SLC24A2: variants seen among roughly 807,000 people sequenced by gnomAD.
The protein encoded by SLC24A2 is sodium/potassium/calcium exchanger 2.
Under a neutral mutation model 62.0 loss-of-function variants are expected in SLC24A2, and 36 were observed. That is an observed-to-expected ratio of 0.58 (90% CI 0.44 to 0.77). The LOEUF is 0.77. Ranked by LOEUF, SLC24A2 falls within the 30% of genes least tolerant of loss-of-function variation. The probability of loss-of-function intolerance (pLI) is 0.00; values close to 1 mark genes in which losing one functional copy is unlikely to be tolerated. For synonymous variants in SLC24A2, 358 were observed against 294.0 expected, an observed-to-expected ratio of 1.22 and a Z score of -2.23; for missense variants, 846 against 817.9, an observed-to-expected ratio of 1.03 and a Z score of -0.42.
the SLC24A2 span, among the ~76,000 whole-genome samples, chr9:19,889,166 T>C: frequency 0.4 from 60,352 of 151,964 alleles, 12,567 homozygotes; most frequent in East Asian, 0.82. Context: ...CACAAAGTTC[T>C]CCTGGGAACA....
At chr9:20,305,071 C>T in the SLC24A2 span, among the ~76,000 whole-genome samples, 2 of 151,228 alleles carry the variant, frequency 1.3e-5, no homozygotes, top group African/African-American at 2.4e-5. Flanking sequence ...TAAAGACATG[C>T]ATGTTAAAGA....
the SLC24A2 span, among the ~76,000 whole-genome samples, chr9:20,166,839 G>A: frequency 6.6e-6 from 1 of 151,926 alleles, no homozygotes; most frequent in Non-Finnish European, 1.5e-5. Flanking sequence ...AATACCAAAT[G>A]CAAACAGAAA....
intron 2 of SLC24A2, among the ~76,000 whole-genome samples, chr9:19,698,655 G>A (rs1820263578): frequency 2.0e-5 from 3 of 152,058 alleles, no homozygotes; most frequent in African/African-American, 7.2e-5. Flanking sequence ...TGCACTCTGG[G>A]GATATAAAGA....
At chr9:19,780,975 A>C (rs1387188756) in intron 2 of SLC24A2, among the ~76,000 whole-genome samples, 1 of 152,070 alleles carries the variant, frequency 6.6e-6, no homozygotes, top group Admixed American at 6.6e-5. Flanking sequence ...AATTCTAAAA[A>C]GAAACAGAAA....
At chr9:20,007,786 G>A in the SLC24A2 span, among the ~76,000 whole-genome samples, 1 of 147,338 alleles carries the variant, frequency 6.8e-6, no homozygotes. Flanking sequence ...TAAATCTCCT[G>A]TCCTCTTCTG....
chr9:19,702,434 T>C (rs1460758112), intron 2 of SLC24A2, among the ~76,000 whole-genome samples: 1 of 152,226 alleles, frequency 6.6e-6, no homozygotes, highest in African/African-American at 2.4e-5. Context: ...ATGATCTCGA[T>C]ACACTTTGGG....
In SLC24A2 at chr9:19,520,967, C is replaced by A; in HGVS notation, c.1663G>T (p.Val555Leu). The change falls in exon 10 of 11, where the codon GTG (valine) becomes TTG (leucine). Residue 555 changes from valine (V) to leucine (L), a missense_variant. Physicochemically the swap from Val to Leu is conservative, Grantham distance 32. Transcript: ENST00000341998. ...SIPDLITSVI[V>L]ARKGLGDMAV... Reference sequence around the variant, plus strand: ...ATGTCCCCTAACCCCTTCCGGGCCACTATGACACTGGTGATAAGATCAGGG... The same window carrying A: ...ATGTCCCCTAACCCCTTCCGGGCCAATATGACACTGGTGATAAGATCAGGG... 3 of 1,614,114 alleles carry A rather than the reference C, an allele frequency of 1.9e-6. No individual in the cohort carries two copies. Among genetic ancestry groups the A allele is most frequent in the Non-Finnish European group, 2.5e-6 (3 of 1,180,008 alleles).
intron 2 of SLC24A2, among the ~76,000 whole-genome samples, chr9:19,715,040 C>T (rs1564058879): frequency 6.6e-6 from 1 of 152,054 alleles, no homozygotes; most frequent in Non-Finnish European, 1.5e-5. Context: ...TTCCCCCTAA[C>T]TCCATCCTTA....
chr9:19,559,574 T>A (rs1242633684), intron 7 of SLC24A2, among the ~76,000 whole-genome samples: 1 of 152,222 alleles, frequency 6.6e-6, no homozygotes, highest in Non-Finnish European at 1.5e-5. Context: ...GAGTTGGAAC[T>A]CTTGAAGGTA....
chr9:20,067,332 G>A, the SLC24A2 span, among the ~76,000 whole-genome samples: 1 of 152,160 alleles, frequency 6.6e-6, no homozygotes, highest in Non-Finnish European at 1.5e-5. Flanking sequence ...ATAAAGTAAG[G>A]CCCTTAGGAC....
At chr9:19,679,440 G>C (rs1485250182) in intron 2 of SLC24A2, among the ~76,000 whole-genome samples, 1 of 152,116 alleles carries the variant, frequency 6.6e-6, no homozygotes, top group African/African-American at 2.4e-5. Flanking sequence ...TGATGGTTAA[G>C]TTTCTGTGTC....
the SLC24A2 span, among the ~76,000 whole-genome samples, chr9:20,043,681 G>C: frequency 6.6e-6 from 1 of 152,148 alleles, no homozygotes. Flanking sequence ...CCTGAAGATG[G>C]CACCGAATGG....
At chr9:20,252,396 C>T in the SLC24A2 span, among the ~76,000 whole-genome samples, 1 of 152,200 alleles carries the variant, frequency 6.6e-6, no homozygotes, top group African/African-American at 2.4e-5. Context: ...ACCAGCTGAG[C>T]ACTGTGTCTG....
chr9:19,665,550 A>G (rs1408467539), intron 2 of SLC24A2, among the ~76,000 whole-genome samples: 1 of 152,156 alleles, frequency 6.6e-6, no homozygotes, highest in Non-Finnish European at 1.5e-5. Context: ...AAAAGTAGAT[A>G]TGTATTGCCT....
the SLC24A2 span, among the ~76,000 whole-genome samples, chr9:19,970,090 C>T: frequency 6.6e-6 from 1 of 152,174 alleles, no homozygotes; most frequent in African/African-American, 2.4e-5. Flanking sequence ...AGCAAGCAAG[C>T]TGCAGTCTGG....
At chr9:19,763,578 T>C (rs1045148660) in intron 2 of SLC24A2, among the ~76,000 whole-genome samples, 1 of 152,224 alleles carries the variant, frequency 6.6e-6, no homozygotes. Flanking sequence ...AATCATGTAG[T>C]TTTGTCACTG....
chr9:20,085,551 A>G, the SLC24A2 span, among the ~76,000 whole-genome samples: 13 of 152,208 alleles, frequency 8.5e-5, no homozygotes, highest in Admixed American at 4.6e-4. Context: ...TTACATAAGC[A>G]TGCTGTTCAA....
intron 4 of SLC24A2, among the ~76,000 whole-genome samples, chr9:19,612,458 G>A (rs537843842): frequency 6.6e-6 from 1 of 152,288 alleles, no homozygotes; most frequent in South Asian, 2.1e-4. Flanking sequence ...GGGATTACAG[G>A]TGTGTGCCAA....
chr9:19,777,668 A>C (rs1282959532), intron 2 of SLC24A2, among the ~76,000 whole-genome samples: 1 of 152,174 alleles, frequency 6.6e-6, no homozygotes, highest in Non-Finnish European at 1.5e-5. Flanking sequence ...TTGTATGTCC[A>C]ATATGTTCCT....
Sources: gnomAD v4.1 joint callset for allele counts (sites outside exome capture counted in the v4.1 genomes callset) on GRCh38, gnomAD v4.1.1 for gene constraint, MANE v1.5 for transcripts, NCBI Gene and HGNC (gene_info 2026-07-23, HGNC 2026-07-21) for gene names.